Variants in PBX1 observed in about 807,000 individuals in gnomAD.
PBX1 encodes pre-B-cell leukemia transcription factor 1.
PBX1 carries 6 observed loss-of-function variants against 53.4 expected under a neutral mutation model. The observed-to-expected ratio is 0.11, with a 90% CI of 0.06 to 0.22. PBX1 has a LOEUF of 0.22. PBX1 is among the 10% of genes least tolerant of loss of function. PBX1 has a pLI of 1.00. For synonymous variants in PBX1, 204 were observed against 212.3 expected (o/e 0.96, Z 0.34); for missense variants, 251 against 551.4 (o/e 0.46, Z 5.46).
chr1:164,765,364 C>A (rs977150814), intron 2 of PBX1, among the ~76,000 whole-genome samples: 22 of 152,294 alleles, frequency 1.4e-4, no homozygotes, highest in African/African-American at 4.6e-4. Context: ...GATTGAAGAA[C>A]ACAGAATAAT....
chr1:164,744,021 T>C (rs1427456929), intron 2 of PBX1, among the ~76,000 whole-genome samples: 2 of 152,160 alleles, frequency 1.3e-5, no homozygotes, highest in East Asian at 3.9e-4. Flanking sequence ...ACTAGAAGTC[T>C]GATGGGAACT....
At chr1:164,745,839 T>C (rs566096824) in intron 2 of PBX1, among the ~76,000 whole-genome samples, 1 of 152,320 alleles carries the variant, frequency 6.6e-6, no homozygotes, top group African/African-American at 2.4e-5. Context: ...TGACTGAACG[T>C]AACTGACCTG....
chr1:164,699,380 G>A lies in PBX1; in HGVS notation c.266-93114G>A, dbSNP rs187781798. 2.3e-3 allele frequency among the ~76,000 whole-genome samples: 346 copies of A among 152,224 alleles called. 4 individuals carry two copies. The highest frequency in any genetic ancestry group is 6.9e-3 in the African/African-American group (286 of 41,532). On this transcript the variant is annotated intron_variant, in intron 2 of 8. Transcript: ENST00000420696. ...CGTTTTTGTGCCTTTCTACCTGCTC[G>A]TGGGTTCCAGAGTCTCTGTTGCCTG...
chr1:164,792,369 A>G lies in PBX1; in HGVS notation c.266-125A>G, dbSNP rs556015625. ...TCTCTCTTTTTCCAGCCTTTCTTCT[A>G]TTCCTCAAATGGCATCTTGCAAGTA... is the stretch of plus-strand genomic sequence containing the variant. On this transcript the variant is annotated intron_variant, in intron 2 of 8. Transcript: ENST00000420696. The G allele has an allele frequency of 9.9e-4, 1,456 of 1,471,432 alleles. 1 individual carries two copies. The highest frequency in any genetic ancestry group is 8.2e-4 in the Non-Finnish European group (907 of 1,108,342). The allele number at this position is 1,471,432 out of a possible 1,614,324, so 91.1% of individuals were successfully genotyped here.
At chr1:164,728,072 C>A (rs958438665) in intron 2 of PBX1, among the ~76,000 whole-genome samples, 1 of 152,088 alleles carries the variant, frequency 6.6e-6, no homozygotes, top group African/African-American at 2.4e-5. Context: ...TGCCTGTAAT[C>A]CTATCACTTT....
intron 2 of PBX1, among the ~76,000 whole-genome samples, chr1:164,602,984 C>A (rs747226815): frequency 3.9e-5 from 6 of 152,048 alleles, no homozygotes; most frequent in Non-Finnish European, 2.9e-5. Context: ...TCCTGAGTGT[C>A]GGGTTTCAGC....
chr1:164,782,103 A>G (rs950107319), intron 2 of PBX1, among the ~76,000 whole-genome samples: 1 of 152,224 alleles, frequency 6.6e-6, no homozygotes, highest in Non-Finnish European at 1.5e-5. Flanking sequence ...CTTATAGCCC[A>G]AAGATGACTG....
intron 8 of PBX1, among the ~76,000 whole-genome samples, chr1:164,842,845 A>C (rs1015605507): frequency 5.9e-5 from 9 of 152,182 alleles, no homozygotes; most frequent in Admixed American, 2.0e-4. Flanking sequence ...TGCATCAGAA[A>C]GTAGAGAGGG....
chr1:164,710,908 T>C (rs964834797), intron 2 of PBX1, among the ~76,000 whole-genome samples: 1 of 152,196 alleles, frequency 6.6e-6, no homozygotes, highest in Admixed American at 6.5e-5. Context: ...ATGGCTTACC[T>C]TCCTCCAAGT....
At chr1:164,883,097 A>C (rs565141837) in intron 2 of PBX1, among the ~76,000 whole-genome samples, 1 of 152,298 alleles carries the variant, frequency 6.6e-6, no homozygotes, top group African/African-American at 2.4e-5. Context: ...TAAAAGGGAA[A>C]ATCTTGCTAG....
intron 2 of PBX1, among the ~76,000 whole-genome samples, chr1:164,681,790 T>A (rs1661787986): frequency 6.6e-6 from 1 of 152,162 alleles, no homozygotes; most frequent in Non-Finnish European, 1.5e-5. Context: ...GTAATTTACC[T>A]GTATAACAAA....
At chr1:164,648,536 A>G (rs542961380) in intron 2 of PBX1, among the ~76,000 whole-genome samples, 1 of 152,286 alleles carries the variant, frequency 6.6e-6, no homozygotes, top group East Asian at 1.9e-4. Context: ...TCCCCATTTT[A>G]CAGAGAAGGA....
chr1:164,571,503 G>A (rs1380282598), intron 2 of PBX1, among the ~76,000 whole-genome samples: 3 of 152,038 alleles, frequency 2.0e-5, no homozygotes, highest in Non-Finnish European at 2.9e-5. Context: ...CATCCATACT[G>A]TAGCATCTAT....
intron 2 of PBX1, among the ~76,000 whole-genome samples, chr1:164,870,299 T>TTCTTTCTTTCTTTCTTTCTC (rs1672339463): frequency 2.6e-4 from 15 of 57,026 alleles, no homozygotes; most frequent in Non-Finnish European, 4.9e-4. Context: ...CTTTCTTTCT[T>TTCTTTCTTTCTTTCTTTCTC]TCTTTCTTTC....
intron 2 of PBX1, among the ~76,000 whole-genome samples, chr1:164,733,712 C>G (rs1665122056): frequency 6.6e-6 from 1 of 151,956 alleles, no homozygotes; most frequent in African/African-American, 2.4e-5. Flanking sequence ...TAATTTGGGA[C>G]TAAGGAAACA....
chr1:164,793,834 T>C (rs1186586565), intron 3 of PBX1, among the ~76,000 whole-genome samples: 3 of 151,528 alleles, frequency 2.0e-5, no homozygotes, highest in African/African-American at 7.3e-5. Flanking sequence ...TTTCTTTCCT[T>C]TGCTTTCCTT....
rs759134405 is a variant in PBX1, at chr1:164,849,371, A to G, written c.*2695A>G. ...CCCCGGCACCCCCGGCAAGCCCACT[A>G]TCACTTCCGACTTCCAACGTGGCAT... On this transcript the variant is annotated 3_prime_UTR_variant, in exon 9 of 9. Transcript: ENST00000420696. 7.2e-6 allele frequency: 11 copies of G among 1,535,534 alleles called. No homozygotes were observed. The African/African-American group carries it at 8.2e-5, about 11-fold the overall frequency.
At chr1:164,883,479 A>T (rs1368287182) in intron 2 of PBX1, among the ~76,000 whole-genome samples, 1 of 152,232 alleles carries the variant, frequency 6.6e-6, no homozygotes, top group East Asian at 1.9e-4. Context: ...AAATATCTTT[A>T]TAATTCTATC....
intron 2 of PBX1, among the ~76,000 whole-genome samples, chr1:164,571,852 A>C (rs1366623290): frequency 5.5e-5 from 7 of 127,206 alleles, no homozygotes; most frequent in African/African-American, 1.8e-4. Context: ...GGTCTATTTG[A>C]TATACAAAAA....
Sources: allele counts gnomAD v4.1 joint callset (sites outside exome capture counted in the v4.1 genomes callset), GRCh38; gene constraint gnomAD v4.1.1; transcripts MANE v1.5; gene names NCBI Gene and HGNC (gene_info 2026-07-23, HGNC 2026-07-21).